ARHGAP31: variants seen among roughly 807,000 people sequenced by gnomAD.
The protein encoded by ARHGAP31 is rho GTPase-activating protein 31.
A neutral mutation model predicts 113.9 loss-of-function variants in ARHGAP31; 34 were observed. The observed-to-expected ratio is 0.30, with a 90% CI of 0.23 to 0.40. The LOEUF is 0.40. Ranked by LOEUF, ARHGAP31 falls within the 10% of genes least tolerant of loss-of-function variation. The pLI, the probability that ARHGAP31 is intolerant of heterozygous loss-of-function variation, is 1.00. For synonymous variants in ARHGAP31, 650 were observed against 684.8 expected, an observed-to-expected ratio of 0.95 and a Z score of 0.79; for missense variants, 1,548 against 1,767.1, an observed-to-expected ratio of 0.88 and a Z score of 2.22.
chr3:119,383,788 T>C (rs939106631), intron 6 of ARHGAP31, among the ~76,000 whole-genome samples: 1 of 152,234 alleles, frequency 6.6e-6, no homozygotes, highest in African/African-American at 2.4e-5. Context: ...TTTGTGGGCA[T>C]CTTGTAATGA....
intron 1 of ARHGAP31, among the ~76,000 whole-genome samples, chr3:119,360,467 C>G (rs1481554332): frequency 6.6e-6 from 1 of 152,232 alleles, no homozygotes; most frequent in East Asian, 1.9e-4. Context: ...CTTTCAATCT[C>G]TGTCTCCAGG....
intron 7 of ARHGAP31, among the ~76,000 whole-genome samples, chr3:119,391,587 CT>C (rs2080503661): frequency 9.9e-6 from 1 of 101,382 alleles, no homozygotes; most frequent in South Asian, 3.6e-4. Context: ...ACCTGGGTCT[CT>C]ACCCCCCCCT....
intron 1 of ARHGAP31, among the ~76,000 whole-genome samples, chr3:119,304,900 AAAAT>A (rs1482961650): frequency 2.1e-4 from 4 of 18,764 alleles, no homozygotes; most frequent in Non-Finnish European, 3.7e-4. Flanking sequence ...GTCTCAAAAT[AAAAT>A]AAAATAAAAT....
rs769102601 is a variant in ARHGAP31 at position 119,415,370 on chromosome 3, A to G, written c.3441A>G (p.Ser1147=). The change falls in exon 12 of 12, where the codon TCA becomes TCG. Residue 1147 remains serine (S), a synonymous_variant. Transcript: ENST00000264245. The part of the protein sequence containing the change: ...PGDPKVTWMT[S]SYCKADPWRV... ...ACCCAAAGGTCACATGGATGACCTC[A>G]TCTTACTGTAAAGCAGACCCCTGGA... is the stretch of plus-strand genomic sequence containing the variant. 1.9e-6 allele frequency: 3 copies of G among 1,614,064 alleles called. No homozygotes were observed. In the East Asian group the frequency reaches 6.7e-5, roughly 36 times the overall value.
intron 4 of ARHGAP31, among the ~76,000 whole-genome samples, chr3:119,381,719 G>A (rs1488288220): frequency 1.3e-5 from 2 of 152,174 alleles, no homozygotes; most frequent in Non-Finnish European, 2.9e-5. Flanking sequence ...CCTGTGTGGT[G>A]GCTCATGCCT....
At chr3:119,297,015 T>G (rs1272834888) in intron 1 of ARHGAP31, among the ~76,000 whole-genome samples, 2 of 152,152 alleles carry the variant, frequency 1.3e-5, no homozygotes, top group East Asian at 3.8e-4. Flanking sequence ...TCAGCAAACT[T>G]TGAAGACTGA....
chr3:119,365,565 T>A (rs1354710765), intron 2 of ARHGAP31, 147 bp downstream of exon 2: 1 of 738,796 alleles, frequency 1.4e-6, no homozygotes. Context: ...GGTTTTCAGA[T>A]GCCTGACTGT....
Position 119,365,279 on chromosome 3 carries a change from C to A in ARHGAP31, c.101-37C>A, listed in dbSNP as rs113568026. ...CTTTAAAAGACAGGCAGACTTACAT[C>A]TAATACTTAATTGTTTTTTTCTTTT... On this transcript the variant is annotated intron_variant, in intron 1 of 11. Transcript: ENST00000264245. The A allele has an allele frequency of 0.022, 34,139 of 1,549,688 alleles. 557 individuals carry two copies. The highest frequency in any genetic ancestry group is 0.074 in the East Asian group (3,253 of 44,200).
Position 119,393,597 on chromosome 3 carries a change from A to C in ARHGAP31, c.1006+6A>C. On this transcript the variant is annotated splice_donor_region_variant and intron_variant, in intron 8 of 11. Transcript: ENST00000264245. Reference sequence around the variant, plus strand: ...GAGAGGACAGAGGCTCTCGGGTAAGAATCAACAGCAATTGTTTTATGATAC... The same window carrying C: ...GAGAGGACAGAGGCTCTCGGGTAAGCATCAACAGCAATTGTTTTATGATAC... 1.2e-6 allele frequency: 2 copies of C among 1,614,032 alleles called. No individual in the cohort carries two copies. The highest frequency in any genetic ancestry group is 1.7e-6 in the Non-Finnish European group (2 of 1,179,924).
chr3:119,296,687 C>T (rs2079536367), intron 1 of ARHGAP31, among the ~76,000 whole-genome samples: 2 of 152,132 alleles, frequency 1.3e-5, no homozygotes, highest in South Asian at 4.1e-4. Flanking sequence ...ATGTCAAAGG[C>T]AGCTTTAGGC....
Position 119,338,011 on chromosome 3 carries a change from C to A in ARHGAP31, c.101-27305C>A, listed in dbSNP as rs185547690. On this transcript the variant is annotated intron_variant, in intron 1 of 11. Transcript: ENST00000264245. ...CTATATATGCCTAGGGCTGGAATTG[C>A]AGGATCATAGGGTAACACTGTGACA... Among the ~76,000 whole-genome samples, 207 of 152,264 alleles carry A rather than the reference C, an allele frequency of 1.4e-3. 2 individuals are homozygous for A. Among genetic ancestry groups the A allele is most frequent in the African/African-American group, 4.9e-3 (202 of 41,552 alleles).
chr3:119,385,159 C>T (rs2080438327), intron 6 of ARHGAP31, among the ~76,000 whole-genome samples: 1 of 151,972 alleles, frequency 6.6e-6, no homozygotes, highest in South Asian at 2.1e-4. Flanking sequence ...AACTCCTGAC[C>T]TCAAGTGATC....
At position 119,365,677 on chromosome 3, in the gene ARHGAP31, T is replaced by C. The variant is rs114159352; in HGVS notation, c.203+259T>C. Among the ~76,000 whole-genome samples, 484 of 152,382 alleles carry C rather than the reference T, an allele frequency of 3.2e-3. 2 individuals are homozygous for C. Among genetic ancestry groups the C allele is most frequent in the Middle Eastern group, 0.027 (8 of 294 alleles). On this transcript the variant is annotated intron_variant, in intron 2 of 11. Transcript: ENST00000264245. Reference sequence around the variant, plus strand: ...CTTTGTCTTGCACTAGATATATTCTTCTTTGGTGAATTTGATTTAACTCAA... The same window carrying C: ...CTTTGTCTTGCACTAGATATATTCTCCTTTGGTGAATTTGATTTAACTCAA...
chr3:119,416,556 A>AGCTT lies in ARHGAP31; in HGVS notation c.*293_*294insCTTG, dbSNP rs2080781219. On this transcript the variant is annotated 3_prime_UTR_variant, in exon 12 of 12. Transcript: ENST00000264245. ...CAATGAACTTTGGAGCTTGTATGTG[A>AGCTT]GTCAGATTGCTCCCCTATTGCTATT... The AGCTT allele has an allele frequency of 2.3e-6, 1 of 443,832 alleles. No homozygotes were observed. Among genetic ancestry groups the AGCTT allele is most frequent in the African/African-American group, 2.0e-5 (1 of 50,076 alleles). The allele number at this position is 443,832 out of a possible 1,614,324, so 27.5% of individuals were successfully genotyped here. A position where few individuals can be genotyped will look rare whatever the true frequency, so the allele number is the denominator to read the frequency against.
At chr3:119,410,554 T>C (rs565949440) in intron 11 of ARHGAP31, among the ~76,000 whole-genome samples, 45 of 152,322 alleles carry the variant, frequency 3.0e-4, no homozygotes, top group African/African-American at 1.1e-3. Flanking sequence ...AGCTAGGGTC[T>C]CTATAAGATA....
intron 7 of ARHGAP31, among the ~76,000 whole-genome samples, chr3:119,392,574 T>G (rs1444582397): frequency 6.6e-6 from 1 of 152,154 alleles, no homozygotes; most frequent in Non-Finnish European, 1.5e-5. Context: ...CTTCATACAT[T>G]CCAATGGCTG....
intron 4 of ARHGAP31, among the ~76,000 whole-genome samples, chr3:119,381,833 A>C (rs1244848680): frequency 2.6e-5 from 4 of 152,110 alleles, no homozygotes; most frequent in Non-Finnish European, 5.9e-5. Context: ...AAAAATACAA[A>C]AAATTAGCCG....
intron 1 of ARHGAP31, among the ~76,000 whole-genome samples, chr3:119,349,406 G>A (rs1005155768): frequency 1.3e-5 from 2 of 152,162 alleles, no homozygotes; most frequent in Non-Finnish European, 1.5e-5. Flanking sequence ...CCCTAGGGAG[G>A]ACTTCTCTGG....
At chr3:119,383,726 G>C (rs1255374278) in intron 6 of ARHGAP31, among the ~76,000 whole-genome samples, 1 of 152,140 alleles carries the variant, frequency 6.6e-6, no homozygotes, top group Non-Finnish European at 1.5e-5. Flanking sequence ...AGAATTTCTT[G>C]AGTGCTTTGT....
Sources: allele counts gnomAD v4.1 joint callset (sites outside exome capture counted in the v4.1 genomes callset), GRCh38; gene constraint gnomAD v4.1.1; transcripts MANE v1.5; gene names NCBI Gene and HGNC (gene_info 2026-07-23, HGNC 2026-07-21).